The following ZFHX3 variants were observed in gnomAD, a reference collection of about 807,000 sequenced individuals.
ZFHX3 encodes zinc finger homeobox protein 3.
A neutral mutation model predicts 279.1 loss-of-function variants in ZFHX3; 42 were observed. The ratio of observed to expected loss-of-function variants is 0.15; its 90% CI spans 0.12 to 0.19. ZFHX3 has a LOEUF of 0.19. ZFHX3 is among the 10% of genes least tolerant of loss of function. The pLI is 1.00. For synonymous variants in ZFHX3, 2,293 were observed against 1,957.8 expected (o/e 1.17, Z -4.52); for missense variants, 4,981 against 4,754.0 (o/e 1.05, Z -1.40).
chr16:73,426,811 A>G (rs1304363884), intron 3 of ZFHX3, among the ~76,000 whole-genome samples: 1 of 152,230 alleles, frequency 6.6e-6, no homozygotes, highest in Non-Finnish European at 1.5e-5. Flanking sequence ...TTCTTTTTGC[A>G]TCCTCAGAAA....
chr16:73,418,227 C>T (rs1011324082), intron 3 of ZFHX3, among the ~76,000 whole-genome samples: 3 of 152,188 alleles, frequency 2.0e-5, no homozygotes, highest in African/African-American at 4.8e-5. Flanking sequence ...TGAGAATAAG[C>T]CCCAGGGCGT....
chr16:73,717,076 T>C (rs2053423348), intron 1 of ZFHX3, among the ~76,000 whole-genome samples: 2 of 152,092 alleles, frequency 1.3e-5, no homozygotes, highest in South Asian at 4.1e-4. Flanking sequence ...ATTTGCAGTA[T>C]CTCAAGAAGA....
intron 1 of ZFHX3, among the ~76,000 whole-genome samples, chr16:73,698,622 T>C (rs915652756): frequency 2.0e-5 from 3 of 152,120 alleles, no homozygotes; most frequent in Non-Finnish European, 4.4e-5. Flanking sequence ...CAAAATTATA[T>C]TACCTCAATG....
upstream of ZFHX3, among the ~76,000 whole-genome samples, chr16:73,059,876 AAG>A (rs1024584250): frequency 1.3e-5 from 2 of 152,130 alleles, no homozygotes; most frequent in African/African-American, 4.8e-5. Context: ...AGGAGAGAGG[AAG>A]AGAGGAGGGG....
intron 4 of ZFHX3, among the ~76,000 whole-genome samples, chr16:72,874,355 C>A (rs972062311): frequency 6.6e-6 from 1 of 151,888 alleles, no homozygotes; most frequent in Non-Finnish European, 1.5e-5. Flanking sequence ...TACAGGCACC[C>A]GCCACCACAC....
upstream of ZFHX3, among the ~76,000 whole-genome samples, chr16:73,062,558 G>A (rs1965697350): frequency 6.6e-6 from 1 of 152,144 alleles, no homozygotes; most frequent in African/African-American, 2.4e-5. Context: ...TCAGAATATG[G>A]GGTTGCAATG....
At chr16:73,675,618 A>C (rs1326688503) in intron 2 of ZFHX3, among the ~76,000 whole-genome samples, 1 of 152,142 alleles carries the variant, frequency 6.6e-6, no homozygotes, top group Non-Finnish European at 1.5e-5. Context: ...GAAAAGAAGA[A>C]TAGGATAAAT....
At chr16:72,860,778 C>T (rs370418322) in intron 4 of ZFHX3, among the ~76,000 whole-genome samples, 2 of 152,140 alleles carry the variant, frequency 1.3e-5, no homozygotes, top group African/African-American at 2.4e-5. Context: ...CCCTATGGAC[C>T]GCCCTCACAG....
intron 2 of ZFHX3, among the ~76,000 whole-genome samples, chr16:73,573,942 C>G (rs1279447574): frequency 6.6e-6 from 1 of 152,210 alleles, no homozygotes; most frequent in Non-Finnish European, 1.5e-5. Context: ...CGTGACTCTC[C>G]AGCCTGCTTA....
chr16:73,687,859 A>C (rs1231862196), intron 1 of ZFHX3, among the ~76,000 whole-genome samples: 1 of 150,994 alleles, frequency 6.6e-6, no homozygotes, highest in East Asian at 2.0e-4. Flanking sequence ...AAAAAAAAAA[A>C]AAAAAAAAAA....
intron 1 of ZFHX3, among the ~76,000 whole-genome samples, chr16:73,753,256 C>A (rs1024213260): frequency 6.6e-6 from 1 of 152,130 alleles, no homozygotes. Context: ...AAAACAGGAT[C>A]TGGCCCAGAC....
At chr16:72,977,479 T>C (rs1427582886) in intron 1 of ZFHX3, among the ~76,000 whole-genome samples, 2 of 152,060 alleles carry the variant, frequency 1.3e-5, no homozygotes, top group Non-Finnish European at 2.9e-5. Flanking sequence ...GGAGTTAGAA[T>C]TGAAGCATAA....
intron 5 of ZFHX3, among the ~76,000 whole-genome samples, chr16:73,186,042 TG>T (rs1567413067): frequency 6.6e-6 from 1 of 152,010 alleles, no homozygotes; most frequent in Non-Finnish European, 1.5e-5. Flanking sequence ...GCGCACTCCC[TG>T]TGAGAATCTA....
intron 1 of ZFHX3, among the ~76,000 whole-genome samples, chr16:73,711,217 T>C (rs367618271): frequency 1.3e-5 from 2 of 151,792 alleles, no homozygotes. Context: ...ATATTTCAAG[T>C]CCCCACACAC....
intron 3 of ZFHX3, among the ~76,000 whole-genome samples, chr16:73,451,186 C>A (rs762962826): frequency 6.6e-6 from 1 of 152,178 alleles, no homozygotes; most frequent in African/African-American, 2.4e-5. Flanking sequence ...CAACAGGCAC[C>A]TGATCTGAAC....
intron 2 of ZFHX3, among the ~76,000 whole-genome samples, chr16:73,641,434 C>T (rs1480568): frequency 0.96 from 146,065 of 152,216 alleles, 70,136 homozygotes; most frequent in East Asian, 1. Context: ...TATTGTCCCA[C>T]AGATCTGACC....
chr16:73,101,362 A>G (rs755468914), intron 7 of ZFHX3, among the ~76,000 whole-genome samples: 2 of 152,148 alleles, frequency 1.3e-5, no homozygotes, highest in Non-Finnish European at 2.9e-5. Flanking sequence ...CACAAGTAAT[A>G]TAATTACCGT....
intron 2 of ZFHX3, among the ~76,000 whole-genome samples, chr16:73,468,769 G>A (rs770203832): frequency 5.9e-5 from 9 of 151,544 alleles, no homozygotes; most frequent in Non-Finnish European, 1.3e-4. Flanking sequence ...GATTTGGGAG[G>A]AGAAAAGATT....
At chr16:72,903,157 G>A (rs1331429089) in intron 3 of ZFHX3, among the ~76,000 whole-genome samples, 1 of 152,162 alleles carries the variant, frequency 6.6e-6, no homozygotes, top group East Asian at 1.9e-4. Context: ...GAGAGTTCGA[G>A]GAGGGTGCCC....
Sources: gnomAD v4.1 joint callset for allele counts (sites outside exome capture counted in the v4.1 genomes callset) on GRCh38, gnomAD v4.1.1 for gene constraint, MANE v1.5 for transcripts, NCBI Gene and HGNC (gene_info 2026-07-23, HGNC 2026-07-21) for gene names.